Variants in HAGHL observed in about 807,000 individuals in gnomAD.
HAGHL encodes the protein hydroxyacylglutathione hydrolase-like protein.
HAGHL carries 27 observed loss-of-function variants against 29.2 expected under a neutral mutation model. The observed-to-expected ratio is 0.92, with a 90% CI of 0.68 to 1.27. The LOEUF is 1.27. HAGHL is among the 50% of genes most tolerant of loss of function. HAGHL has a pLI of 0.00. For missense variants in HAGHL, 529 were observed against 405.5 expected, an observed-to-expected ratio of 1.30 and a Z score of -2.62; for synonymous variants, 223 against 185.7, an observed-to-expected ratio of 1.20 and a Z score of -1.63.
rs1406734336 is a variant in HAGHL at position 727,992 on chromosome 16, G to A, written c.133G>A (p.Val45Met). 3.1e-6 allele frequency: 5 copies of A among 1,607,910 alleles called. No individual in the cohort carries two copies. The South Asian group carries it at 3.3e-5, about 11-fold the overall frequency. ...GCTGGAGATCGTGGGCCGGGAGGGG[G>A]TGTCTCTGACCGCTGTGCTGACCAC... ...RLLEIVGREG[V>M]SLTAVLTTHH... The change falls in exon 2 of 8, where the codon GTG (valine) becomes ATG (methionine). Residue 45 changes from valine to methionine, a missense_variant. Val to Met is a conservative substitution (Grantham distance 21). Transcript: ENST00000389703.
At position 728,762 on chromosome 16, in the gene HAGHL, GCGTGCGCGCTCAC is replaced by G; in HGVS notation, c.499-29_499-17del. On this transcript the variant is annotated intron_variant, in intron 5 of 7. Coordinates refer to ENST00000389703, the MANE Select transcript of HAGHL (RefSeq NM_032304.4). Reference sequence around the variant, plus strand: ...CAAGCACTTTCCCCGCTTCCTGGCCGCGTGCGCGCTCACCGAGCGCTCTTCCTCCAGAAGGTGT... The same window carrying G: ...CAAGCACTTTCCCCGCTTCCTGGCCGCGAGCGCTCTTCCTCCAGAAGGTGT... The G allele has an allele frequency of 1.2e-6, 2 of 1,600,902 alleles. No individual in the cohort carries two copies. The highest frequency in any genetic ancestry group is 1.7e-6 in the Non-Finnish European group (2 of 1,170,958).
At chr16:729,179 C>G (rs2041226382) in intron 7 of HAGHL, 91 bp downstream of exon 7, 1 of 1,574,676 alleles carries the variant, frequency 6.4e-7, no homozygotes, top group Non-Finnish European at 8.6e-7. Flanking sequence ...GTGAGCATCT[C>G]TGGCTTGGGG....
intron 1 of HAGHL, 103 bp from the exon 2 acceptor site, chr16:727,862 C>G (rs1417970121): frequency 1.6e-6 from 2 of 1,284,962 alleles, no homozygotes; most frequent in Admixed American, 4.1e-5. Context: ...CCGGCGCTCC[C>G]CGGGGCTCTG....
chr16:728,752 C>A, intron 5 of HAGHL, 42 bp from the exon 6 acceptor site: 1 of 1,586,410 alleles, frequency 6.3e-7, no homozygotes, highest in Non-Finnish European at 8.6e-7. Context: ...ACTTTCCCCG[C>A]TTCCTGGCCG....
rs1285298574 is a variant in HAGHL, at chr16:727,194, G to A, written c.-316G>A. On this transcript the variant is annotated 5_prime_UTR_variant, in exon 1 of 8. Coordinates refer to ENST00000389703, the MANE Select transcript of HAGHL (RefSeq NM_032304.4). Reference sequence around the variant, plus strand: ...GTCCCGGGTCAGGGGTCTTGCGGCGGCAGGGCGGGGGGCCGAGGGGCGGGG... The same window carrying A: ...GTCCCGGGTCAGGGGTCTTGCGGCGACAGGGCGGGGGGCCGAGGGGCGGGG... 7.3e-6 allele frequency: 2 copies of A among 273,476 alleles called. No homozygotes were observed. Among genetic ancestry groups the A allele is most frequent in the African/African-American group, 2.3e-5 (1 of 43,918 alleles). 16.9% of individuals were successfully genotyped at this position (273,476 alleles called of 1,614,324 possible).
chr16:727,883 G>A (rs2041097657), intron 1 of HAGHL, 82 bp from the exon 2 acceptor site: 11 of 1,419,102 alleles, frequency 7.8e-6, no homozygotes, highest in Non-Finnish European at 1.1e-5. Context: ...GCCGGCCTGG[G>A]GCAGTGAGCG....
Position 728,502 on chromosome 16 carries a change from A to C in HAGHL, c.398-2A>C, listed in dbSNP as rs1276817246. 3 of 1,348,462 alleles carry C rather than the reference A, an allele frequency of 2.2e-6. No homozygotes were observed. The highest frequency in any genetic ancestry group is 1.6e-5 in the African/African-American group (1 of 60,778). The allele number at this position is 1,348,462 out of a possible 1,614,324, so 83.5% of individuals were successfully genotyped here. A position where few individuals can be genotyped will look rare whatever the true frequency, so the allele number is the denominator to read the frequency against. On this transcript the variant is annotated splice_acceptor_variant, in intron 4 of 7. Coordinates refer to ENST00000389703, the MANE Select transcript of HAGHL (RefSeq NM_032304.4). LOFTEE classifies it high-confidence loss of function. ...CTGCTCTGACCCGCCCTCCCCCGCC[A>C]GGCGACGCGCTGTCGGTGGCCGGCT...
At position 729,485 on chromosome 16, in the gene HAGHL, C is replaced by T; in HGVS notation, c.*29C>T. On this transcript the variant is annotated 3_prime_UTR_variant, in exon 8 of 8. Coordinates refer to ENST00000389703, the MANE Select transcript of HAGHL (RefSeq NM_032304.4). ...ACCCAGACCCTCACAGGGCTGGGGC[C>T]TGCGTCCCTCCTCGTGACCTCGGCC... 1 of 1,538,208 alleles carries T rather than the reference C, an allele frequency of 6.5e-7. No individual in the cohort carries two copies. Among genetic ancestry groups the T allele is most frequent in the Non-Finnish European group, 8.7e-7 (1 of 1,146,260 alleles).
chr16:729,407 C>A lies in HAGHL; in HGVS notation c.800C>A (p.Ala267Asp). 1 of 1,529,692 alleles carries A rather than the reference C, an allele frequency of 6.5e-7. No individual in the cohort carries two copies. 94.8% of individuals were successfully genotyped at this position (1,529,692 alleles called of 1,614,324 possible). Residue 267 changes from alanine to aspartate, a missense_variant, in exon 8 of 8, where the codon GCC (alanine) becomes GAC (aspartate). By Grantham distance (126) the Ala-to-Asp change is moderately radical (BLOSUM62 -2). Transcript: ENST00000389703. ...AGEPRQPQARALLALQWGLLS... is the reference protein window; with the variant it reads ...AGEPRQPQARDLLALQWGLLS... ...GAGCCGCGGCAGCCACAGGCGCGGGCCCTCCTTGCGCTGCAGTGGGGGCTC... is the reference window on the plus strand; with the variant it reads ...GAGCCGCGGCAGCCACAGGCGCGGGACCTCCTTGCGCTGCAGTGGGGGCTC...
Position 727,324 on chromosome 16 carries a change from T to G in HAGHL, c.-186T>G. On this transcript the variant is annotated 5_prime_UTR_variant, in exon 1 of 8. Transcript: ENST00000389703. Reference sequence around the variant, plus strand: ...TCCGCTCCTGCTGGAGCCCGGTGCGTGGAATTCCACGCGAGTGCCGGGGAG... The same window carrying G: ...TCCGCTCCTGCTGGAGCCCGGTGCGGGGAATTCCACGCGAGTGCCGGGGAG... The G allele has an allele frequency of 1.9e-6, 1 of 517,384 alleles. No homozygotes were observed. 32.0% of individuals were successfully genotyped at this position (517,384 alleles called of 1,614,324 possible).
chr16:727,336 C>G lies in HAGHL; in HGVS notation c.-174C>G, dbSNP rs542351461. On this transcript the variant is annotated 5_prime_UTR_variant, in exon 1 of 8. Transcript: ENST00000389703. Reference sequence around the variant, plus strand: ...GGAGCCCGGTGCGTGGAATTCCACGCGAGTGCCGGGGAGTTCCTGGGGAGC... The same window carrying G: ...GGAGCCCGGTGCGTGGAATTCCACGGGAGTGCCGGGGAGTTCCTGGGGAGC... The G allele has an allele frequency of 1.9e-6, 1 of 524,174 alleles. No homozygotes were observed. The highest frequency in any genetic ancestry group is 3.5e-6 in the Non-Finnish European group (1 of 289,514). The allele number at this position is 524,174 out of a possible 1,614,324, so 32.5% of individuals were successfully genotyped here.
intron 1 of HAGHL, 106 bp downstream of exon 1, chr16:727,720 T>C (rs575013041): frequency 1.1e-5 from 9 of 792,284 alleles, no homozygotes; most frequent in East Asian, 8.3e-5. Context: ...CCGGAAGTCA[T>C]TGGCGGCTGG....
chr16:729,255 G>A (rs980264914), intron 7 of HAGHL, 33 bp from the exon 8 acceptor site: 13 of 1,523,232 alleles, frequency 8.5e-6, no homozygotes, highest in African/African-American at 1.4e-5. Context: ...CGTGGGCAGC[G>A]GGCCCTGCGC....
At position 728,310 on chromosome 16, in the gene HAGHL, C is replaced by T. The variant is rs1191904464; in HGVS notation, c.289-6C>T. ...CCTCACAGGTCCGCCTGCTCCTCCGCCGCAGTTCGGGGCCATCCACGTGCG... is the reference window on the plus strand; with the variant it reads ...CCTCACAGGTCCGCCTGCTCCTCCGTCGCAGTTCGGGGCCATCCACGTGCG... On this transcript the variant is annotated splice_region_variant and splice_polypyrimidine_tract_variant and intron_variant, in intron 3 of 7. Coordinates refer to ENST00000389703, the MANE Select transcript of HAGHL (RefSeq NM_032304.4). The T allele has an allele frequency of 1.3e-6, 2 of 1,539,748 alleles. No homozygotes were observed. The highest frequency in any genetic ancestry group is 8.7e-7 in the Non-Finnish European group (1 of 1,147,622).
At chr16:728,262 G>T (rs1051275768) in intron 3 of HAGHL, 29 bp downstream of exon 3, 7 of 1,506,238 alleles carry the variant, frequency 4.6e-6, no homozygotes, top group Admixed American at 2.1e-5. Flanking sequence ...GAGGGGCGGG[G>T]AGGGCGCCCC....
chr16:728,748 C>T (rs566552880), intron 5 of HAGHL, 46 bp from the exon 6 acceptor site: 12 of 1,581,108 alleles, frequency 7.6e-6, no homozygotes, highest in African/African-American at 4.0e-5. Context: ...AAGCACTTTC[C>T]CCGCTTCCTG....
intron 6 of HAGHL, 33 bp downstream of exon 6, chr16:728,928 G>T (rs758417646): frequency 1.4e-5 from 17 of 1,241,570 alleles, no homozygotes; most frequent in Middle Eastern, 2.1e-4. Context: ...GCAAGAGGGT[G>T]GGGGGGGAGG....
Position 727,614 on chromosome 16 carries a change from G to T in HAGHL, c.105G>T (p.Arg35Ser). Residue 35 changes from arginine to serine, a missense_variant and splice_region_variant, in exon 1 of 8, where the codon AGG (arginine) becomes AGT (serine). Coordinates refer to ENST00000389703, the MANE Select transcript of HAGHL (RefSeq NM_032304.4). ...CCGTGGACGTGGCTGTGCCCAAGAGGGTGAGGGCAGGCCGCGGGCCGCAGG... is the reference window on the plus strand; with the variant it reads ...CCGTGGACGTGGCTGTGCCCAAGAGTGTGAGGGCAGGCCGCGGGCCGCAGG... ...AVAVDVAVPK[R>S]LLEIVGREGV... 1 of 1,601,348 alleles carries T rather than the reference G, an allele frequency of 6.2e-7. No homozygotes were observed. Among genetic ancestry groups the T allele is most frequent in the South Asian group, 1.1e-5 (1 of 90,210 alleles).
In HAGHL at chr16:728,230, G is replaced by A; in HGVS notation, c.285G>A (p.Leu95=). The A allele has an allele frequency of 6.8e-7, 1 of 1,477,242 alleles. No individual in the cohort carries two copies. Among genetic ancestry groups the A allele is most frequent in the Non-Finnish European group, 8.9e-7 (1 of 1,123,002 alleles). The allele number at this position is 1,477,242 out of a possible 1,614,324, so 91.5% of individuals were successfully genotyped here. ...GCAGGCTGGCGCACGGCGAGGAGCT[G>A]CGGGTGAGCGCGCGCTCCCGGGAGG... ...LTRRLAHGEE[L]RFGAIHVRCL... Residue 95 remains leucine (L), a synonymous_variant, in exon 3 of 8, where the codon CTG becomes CTA. Coordinates refer to ENST00000389703, the MANE Select transcript of HAGHL (RefSeq NM_032304.4).
Sources: allele counts gnomAD v4.1 joint callset, GRCh38; gene constraint gnomAD v4.1.1; transcripts MANE v1.5; gene names NCBI Gene and HGNC (gene_info 2026-07-23, HGNC 2026-07-21).